The following CCDC146 variants were observed in gnomAD, a reference collection of about 807,000 sequenced individuals.
CCDC146 encodes the protein coiled-coil domain containing 146.
CCDC146 carries 92 observed loss-of-function variants against 119.3 expected under a neutral mutation model. The observed-to-expected ratio is 0.77, with a 90% CI of 0.65 to 0.92. The LOEUF (loss-of-function observed/expected upper bound fraction) is 0.92, where lower values mean the gene tolerates loss of function less well. Among genes scored for constraint, CCDC146 ranks in the 40% least tolerant of loss-of-function variants. The pLI is 0.00. For synonymous variants in CCDC146, 372 were observed against 371.8 expected (o/e 1.00, Z -0.01); for missense variants, 1,000 against 1,103.0 (o/e 0.91, Z 1.32).
intron 7 of CCDC146, 40 bp from the exon 8 acceptor site, chr7:77,259,969 T>TGG (rs1793260063): frequency 4.7e-6 from 3 of 639,494 alleles, no homozygotes; most frequent in Non-Finnish European, 7.8e-6. Flanking sequence ...TGTGTGTGTG[T>TGG]GTGTGTGTGT....
intron 3 of CCDC146, among the ~76,000 whole-genome samples, chr7:77,237,870 T>C (rs552040403): frequency 2.6e-5 from 4 of 152,268 alleles, no homozygotes; most frequent in South Asian, 4.1e-4. Flanking sequence ...AGCCTCTTTC[T>C]TTCCTTCCCC....
chr7:77,293,470 T>C (rs1793989729), intron 18 of CCDC146, among the ~76,000 whole-genome samples: 1 of 152,206 alleles, frequency 6.6e-6, no homozygotes, highest in Non-Finnish European at 1.5e-5. Flanking sequence ...ATCATGGCCT[T>C]CCACCAGCAT....
intron 1 of CCDC146, among the ~76,000 whole-genome samples, chr7:77,131,022 G>C (rs1370724216): frequency 6.6e-6 from 1 of 151,760 alleles, no homozygotes; most frequent in Non-Finnish European, 1.5e-5. Context: ...TTCCCAAGTA[G>C]CTGGGAATAC....
chr7:77,294,009 C>T (rs1293153344), intron 18 of CCDC146, among the ~76,000 whole-genome samples: 1 of 152,206 alleles, frequency 6.6e-6, no homozygotes, highest in Non-Finnish European at 1.5e-5. Context: ...TCAGATTTTA[C>T]CTGTGGTGTC....
rs184585364 is a variant in CCDC146 at position 77,229,621 on chromosome 7, T to A, written c.157-7326T>A. 1.2e-3 allele frequency among the ~76,000 whole-genome samples: 182 copies of A among 152,314 alleles called. 1 individual carries two copies. The highest frequency in any genetic ancestry group is 4.3e-3 in the African/African-American group (177 of 41,572). ...TTTGTCAGGTTTGTCAAAGATCAGA[T>A]AGTTGTAGGTGTGCGGTCTAGGCTA... On this transcript the variant is annotated intron_variant, in intron 2 of 18. Transcript: ENST00000285871.
At chr7:77,223,456 A>G (rs1429765289) in intron 2 of CCDC146, among the ~76,000 whole-genome samples, 3 of 151,750 alleles carry the variant, frequency 2.0e-5, no homozygotes, top group Non-Finnish European at 4.4e-5. Context: ...TGGCCACCAA[A>G]GAAGGAACAA....
intron 8 of CCDC146, 137 bp downstream of exon 8, chr7:77,260,373 T>C: frequency 1.6e-6 from 1 of 612,424 alleles, no homozygotes; most frequent in Non-Finnish European, 2.7e-6. Flanking sequence ...ACCCTTAATA[T>C]ATTATCAAAT....
intron 2 of CCDC146, among the ~76,000 whole-genome samples, chr7:77,188,942 C>G (rs1370400766): frequency 6.6e-6 from 1 of 152,140 alleles, no homozygotes; most frequent in East Asian, 1.9e-4. Context: ...TCATCTCCAA[C>G]TTCTGCAAGG....
chr7:77,277,059 G>A (rs558038649), intron 11 of CCDC146, among the ~76,000 whole-genome samples: 10 of 152,132 alleles, frequency 6.6e-5, no homozygotes, highest in Non-Finnish European at 1.2e-4. Context: ...GTGACAGAGC[G>A]AGACTCTGTC....
rs1482428922 is a variant in CCDC146 at position 77,136,022 on chromosome 7, G to A, written c.-12+13290G>A. ...CAAACTAGGTGAGACAAAACTGATA[G>A]AGCTGCAAGAAGACATATTTAAAAC... On this transcript the variant is annotated intron_variant, in intron 1 of 18. Coordinates refer to ENST00000285871, the MANE Select transcript of CCDC146 (RefSeq NM_020879.3). Among the ~76,000 whole-genome samples the A allele has an allele frequency of 3.3e-5, 5 of 152,204 alleles. 1 individual carries two copies. The South Asian group carries it at 6.2e-4, about 19-fold the overall frequency.
intron 2 of CCDC146, among the ~76,000 whole-genome samples, chr7:77,215,138 C>T (rs1792272269): frequency 6.6e-6 from 1 of 151,154 alleles, no homozygotes; most frequent in African/African-American, 2.4e-5. Flanking sequence ...AATTGATTCC[C>T]CAGTATCCTT....
chr7:77,134,511 GA>G (rs960405021), intron 1 of CCDC146, among the ~76,000 whole-genome samples: 1 of 151,480 alleles, frequency 6.6e-6, no homozygotes, highest in Non-Finnish European at 1.5e-5. Context: ...TAATATTGAT[GA>G]AAAAAATAAA....
chr7:77,185,902 T>TATTG (rs1192286856), intron 2 of CCDC146, among the ~76,000 whole-genome samples: 10 of 152,186 alleles, frequency 6.6e-5, no homozygotes, highest in African/African-American at 1.9e-4. Context: ...ATTAAGAATC[T>TATTG]ATTGATCATG....
At chr7:77,138,010 A>G (rs926792908) in intron 1 of CCDC146, among the ~76,000 whole-genome samples, 7 of 151,892 alleles carry the variant, frequency 4.6e-5, no homozygotes, top group African/African-American at 1.5e-4. Context: ...CCATGCTGGC[A>G]TGGTCAGTTC....
At chr7:77,198,427 G>C (rs1277493754) in intron 2 of CCDC146, 1 of 406,422 alleles carries the variant, frequency 2.5e-6, no homozygotes, top group Non-Finnish European at 3.3e-6. Context: ...CAATACCACT[G>C]TTAGTTCGTG....
intron 1 of CCDC146, among the ~76,000 whole-genome samples, chr7:77,149,786 CGAGAGA>C (rs59790559): frequency 1.3e-4 from 18 of 136,104 alleles, no homozygotes; most frequent in South Asian, 4.8e-4. Flanking sequence ...AAAAAAAAAG[CGAGAGA>C]GAGAGAGAGA....
chr7:77,183,417 T>C (rs1584049315), intron 2 of CCDC146, among the ~76,000 whole-genome samples: 1 of 152,242 alleles, frequency 6.6e-6, no homozygotes, highest in Non-Finnish European at 1.5e-5. Context: ...TTTGCCTTAT[T>C]ACAAGGATTA....
chr7:77,179,720 C>A (rs987138419), intron 2 of CCDC146, among the ~76,000 whole-genome samples: 1 of 152,026 alleles, frequency 6.6e-6, no homozygotes, highest in African/African-American at 2.4e-5. Context: ...TCAAAAAAAA[C>A]CTTTGTGATA....
intron 2 of CCDC146, among the ~76,000 whole-genome samples, chr7:77,211,712 T>C (rs1792188392): frequency 6.6e-6 from 1 of 152,138 alleles, no homozygotes; most frequent in Non-Finnish European, 1.5e-5. Flanking sequence ...ACCTCCTGGA[T>C]TCAAATGATT....
Sources: allele counts gnomAD v4.1 joint callset (sites outside exome capture counted in the v4.1 genomes callset), GRCh38; gene constraint gnomAD v4.1.1; transcripts MANE v1.5; gene names NCBI Gene and HGNC (gene_info 2026-07-23, HGNC 2026-07-21).